Variants in APBB2 observed in about 807,000 individuals in gnomAD.
The protein encoded by APBB2 is Fe65-like 1.
A neutral mutation model predicts 82.5 loss-of-function variants in APBB2; 38 were observed. The observed-to-expected ratio is 0.46, with a 90% CI of 0.36 to 0.60. The LOEUF is 0.60. Ranked by LOEUF, APBB2 falls within the 20% of genes least tolerant of loss-of-function variation. The probability of loss-of-function intolerance (pLI) is 0.00; values close to 1 mark genes in which losing one functional copy is unlikely to be tolerated. For synonymous variants in APBB2, 341 were observed against 368.2 expected (o/e 0.93, Z 0.85); for missense variants, 772 against 972.3 (o/e 0.79, Z 2.74).
At chr4:41,070,875 T>C (rs1733631197) in intron 3 of APBB2, among the ~76,000 whole-genome samples, 1 of 152,194 alleles carries the variant, frequency 6.6e-6, no homozygotes, top group Non-Finnish European at 1.5e-5. Flanking sequence ...TTCACTTGAA[T>C]GCAAGCCATC....
chr4:41,077,212 T>C (rs565418866), intron 3 of APBB2, among the ~76,000 whole-genome samples: 1 of 149,090 alleles, frequency 6.7e-6, no homozygotes, highest in African/African-American at 2.5e-5. Flanking sequence ...GGACTCACTA[T>C]GTTGCCCAGA....
chr4:41,051,567 G>A (rs757890442), intron 4 of APBB2, among the ~76,000 whole-genome samples: 2 of 152,172 alleles, frequency 1.3e-5, no homozygotes, highest in Non-Finnish European at 2.9e-5. Context: ...CCCATGACCA[G>A]TCAGAAACCT....
chr4:41,179,160 G>C (rs1268157952), intron 1 of APBB2, among the ~76,000 whole-genome samples: 1 of 152,178 alleles, frequency 6.6e-6, no homozygotes, highest in African/African-American at 2.4e-5. Flanking sequence ...CTTGCCAAGT[G>C]TCATACAGTG....
Position 41,027,364 on chromosome 4 carries a change from C to CATATATAT in APBB2, c.19+5864_19+5871dup, listed in dbSNP as rs36224955. On this transcript the variant is annotated intron_variant, in intron 5 of 17. Transcript: ENST00000508593. ...TTATATTTTTATAAACATATTGTTA[C>CATATATAT]ATATATATATATATATATATATATA... Among the ~76,000 whole-genome samples the CATATATAT allele has an allele frequency of 6.7e-3, 854 of 127,102 alleles. 4 individuals carry two copies. The highest frequency in any genetic ancestry group is 0.014 in the Middle Eastern group (3 of 210). The allele number at this position is 127,102 out of a possible 152,430, so 83.4% of individuals were successfully genotyped here. A position where few individuals can be genotyped will look rare whatever the true frequency, so the allele number is the denominator to read the frequency against.
chr4:41,062,390 G>A (rs1730193922), intron 4 of APBB2, among the ~76,000 whole-genome samples: 1 of 151,778 alleles, frequency 6.6e-6, no homozygotes, highest in South Asian at 2.1e-4. Context: ...TGTTGGCCAG[G>A]CTGGTCTCGA....
At chr4:41,109,366 C>T (rs1321390934) in intron 2 of APBB2, among the ~76,000 whole-genome samples, 1 of 152,004 alleles carries the variant, frequency 6.6e-6, no homozygotes, top group Non-Finnish European at 1.5e-5. Context: ...TCTTGGCTCA[C>T]TGCAACTTCC....
intron 12 of APBB2, 71 bp downstream of exon 12, chr4:40,890,293 C>T: frequency 3.3e-6 from 5 of 1,533,474 alleles, no homozygotes; most frequent in Non-Finnish European, 4.4e-6. Context: ...TGCTGCGAGC[C>T]CATGCTTTGG....
intron 5 of APBB2, among the ~76,000 whole-genome samples, chr4:41,021,547 A>T (rs1174761146): frequency 1.3e-5 from 2 of 152,134 alleles, no homozygotes; most frequent in East Asian, 3.9e-4. Context: ...ACCAATCAGC[A>T]CTCTGTAAAA....
intron 1 of APBB2, among the ~76,000 whole-genome samples, chr4:41,208,611 T>C (rs972328820): frequency 6.6e-6 from 1 of 152,188 alleles, no homozygotes; most frequent in African/African-American, 2.4e-5. Context: ...TTCCTCCCAC[T>C]CTAAGCATTC....
intron 4 of APBB2, among the ~76,000 whole-genome samples, chr4:41,037,118 G>A (rs531085998): frequency 3.9e-5 from 6 of 152,104 alleles, no homozygotes; most frequent in Non-Finnish European, 8.8e-5. Flanking sequence ...GTTGATATTT[G>A]ACTCTTATTG....
At chr4:41,073,438 C>T (rs931877018) in intron 3 of APBB2, among the ~76,000 whole-genome samples, 1 of 152,178 alleles carries the variant, frequency 6.6e-6, no homozygotes, top group Admixed American at 6.5e-5. Context: ...GGCACCTTCA[C>T]ATATATTACC....
chr4:41,204,682 AGTGG>A (rs1777515528), intron 1 of APBB2, among the ~76,000 whole-genome samples: 1 of 152,218 alleles, frequency 6.6e-6, no homozygotes, highest in South Asian at 2.1e-4. Context: ...AGGTAGAGGC[AGTGG>A]CCATCCTGGT....
Position 40,991,010 on chromosome 4 carries a change from C to CTTTT in APBB2, c.835+22572_835+22573insAAAA, listed in dbSNP as rs1491223078. Among the ~76,000 whole-genome samples, 151 of 128,686 alleles carry CTTTT rather than the reference C, an allele frequency of 1.2e-3. 3 individuals carry two copies. Among genetic ancestry groups the CTTTT allele is most frequent in the Non-Finnish European group, 1.6e-3 (99 of 60,728 alleles). 84.4% of individuals were successfully genotyped at this position (128,686 alleles called of 152,430 possible). ...TTTCTGGTCATTTTGGACTGAGTTT[C>CTTTT]ATTTTTTTTTTTTTTGGAGGCAAGG... On this transcript the variant is annotated intron_variant, in intron 6 of 17. Transcript: ENST00000508593.
chr4:40,948,692 G>A (rs970920378), intron 6 of APBB2, among the ~76,000 whole-genome samples: 9 of 150,552 alleles, frequency 6.0e-5, no homozygotes, highest in African/African-American at 1.2e-4. Context: ...CCCAGGAGGC[G>A]GAGGTTGCAG....
chr4:41,051,184 A>G (rs1009117516), intron 4 of APBB2, among the ~76,000 whole-genome samples: 1 of 152,182 alleles, frequency 6.6e-6, no homozygotes, highest in Non-Finnish European at 1.5e-5. Context: ...TCCTGAGCTC[A>G]CACCCACAGA....
At chr4:40,929,205 T>C (rs1783466394) in intron 10 of APBB2, among the ~76,000 whole-genome samples, 1 of 152,070 alleles carries the variant, frequency 6.6e-6, no homozygotes. Context: ...AAATTTACTT[T>C]TAAAGTGCAT....
At chr4:41,075,952 A>C (rs1735501108) in intron 3 of APBB2, among the ~76,000 whole-genome samples, 1 of 152,186 alleles carries the variant, frequency 6.6e-6, no homozygotes, top group African/African-American at 2.4e-5. Context: ...TGAATCTCAC[A>C]AGTTGATCAC....
intron 2 of APBB2, among the ~76,000 whole-genome samples, chr4:41,106,147 T>TA (rs1451984155): frequency 2.0e-5 from 3 of 152,190 alleles, no homozygotes; most frequent in Non-Finnish European, 4.4e-5. Flanking sequence ...ATCTTACCAT[T>TA]AATGGATATA....
Position 40,849,012 on chromosome 4 carries a change from A to C in APBB2, c.1530-18435T>G, listed in dbSNP as rs577311093. 1.5e-5 allele frequency: 7 copies of C among 478,262 alleles called. No homozygotes were observed. In the East Asian group the frequency reaches 9.2e-4, roughly 63 times the overall value. The allele number at this position is 478,262 out of a possible 1,614,324, so 29.6% of individuals were successfully genotyped here. A position where few individuals can be genotyped will look rare whatever the true frequency, so the allele number is the denominator to read the frequency against. ...TACCACTGTCTGGCACATAGTAGGC[A>C]ATCAATCAATATTCTTGAATATGTG... On this transcript the variant is annotated intron_variant, in intron 12 of 17. Coordinates refer to ENST00000508593, the MANE Select transcript of APBB2 (RefSeq NM_004307.2).
Sources: gnomAD v4.1 joint callset for allele counts (sites outside exome capture counted in the v4.1 genomes callset) on GRCh38, gnomAD v4.1.1 for gene constraint, MANE v1.5 for transcripts, NCBI Gene and HGNC (gene_info 2026-07-23, HGNC 2026-07-21) for gene names.